Variants in CADPS observed in about 807,000 individuals in gnomAD.
CADPS encodes calcium dependent secretion activator, also known as calcium-dependent secretion activator 1.
CADPS carries 57 observed loss-of-function variants against 167.3 expected under a neutral mutation model. The ratio of observed to expected loss-of-function variants is 0.34; its 90% CI spans 0.28 to 0.42. CADPS has a LOEUF of 0.42. Among genes scored for constraint, CADPS ranks in the 20% least tolerant of loss-of-function variants. The pLI, the probability that CADPS is intolerant of heterozygous loss-of-function variation, is 1.00. For missense variants in CADPS, 1,414 were observed against 1,738.1 expected (o/e 0.81, Z 3.32); for synonymous variants, 676 against 635.3 (o/e 1.06, Z -0.96).
rs570141537 is a variant in CADPS, at chr3:62,548,034, A to G, written c.1966+1869T>C. Reference sequence around the variant, plus strand: ...ATGAAGATTATTTGGAAATAAGACCAGTATTTTCCAAATATCACCTGAGAT... The same window carrying G: ...ATGAAGATTATTTGGAAATAAGACCGGTATTTTCCAAATATCACCTGAGAT... On this transcript the variant is annotated intron_variant, in intron 11 of 29. Coordinates refer to ENST00000383710, the MANE Select transcript of CADPS (RefSeq NM_003716.4). Among the ~76,000 whole-genome samples the G allele has an allele frequency of 1.5e-3, 221 of 152,298 alleles. 2 individuals are homozygous for G. The highest frequency in any genetic ancestry group is 5.4e-4 in the Non-Finnish European group (37 of 68,010).
chr3:62,422,347 G>A (rs1440918854), intron 28 of CADPS, among the ~76,000 whole-genome samples: 1 of 152,218 alleles, frequency 6.6e-6, no homozygotes, highest in African/African-American at 2.4e-5. Flanking sequence ...TAGAAACAAT[G>A]CATATAGGCC....
At chr3:62,754,161 A>G (rs1056644183) in intron 2 of CADPS, among the ~76,000 whole-genome samples, 1 of 151,956 alleles carries the variant, frequency 6.6e-6, no homozygotes, top group Non-Finnish European at 1.5e-5. Context: ...TAAAATGGGG[A>G]TAATAGTATT....
chr3:62,493,565 T>C (rs2064112624), intron 19 of CADPS, 80 bp downstream of exon 19: 16 of 1,063,396 alleles, frequency 1.5e-5, no homozygotes, highest in Non-Finnish European at 2.1e-5. Context: ...CTATTAGTTA[T>C]TAGAGGGATA....
chr3:62,411,466 T>C (rs181216051), intron 28 of CADPS, among the ~76,000 whole-genome samples: 68 of 152,362 alleles, frequency 4.5e-4, no homozygotes, highest in African/African-American at 1.4e-3. Flanking sequence ...CCCTACAACC[T>C]ATTTCAATTG....
In CADPS at chr3:62,710,056, C is replaced by T. The variant is rs985374744; in HGVS notation, c.888+43385G>A. ...TGCTGGGATTACAGGCATGAGTCAC[C>T]GTGCCTGGCCAGGTTCTATGTTAAT... On this transcript the variant is annotated intron_variant, in intron 3 of 29. Coordinates refer to ENST00000383710, the MANE Select transcript of CADPS (RefSeq NM_003716.4). 1.8e-4 allele frequency among the ~76,000 whole-genome samples: 28 copies of T among 152,174 alleles called. 1 individual carries two copies. The highest frequency in any genetic ancestry group is 2.4e-4 in the African/African-American group (10 of 41,522).
chr3:62,564,043 C>A (rs1392030047), intron 9 of CADPS, among the ~76,000 whole-genome samples: 1 of 152,018 alleles, frequency 6.6e-6, no homozygotes, highest in Non-Finnish European at 1.5e-5. Context: ...GCTCTGTCAC[C>A]CAGGCTGGAG....
At chr3:62,777,934 C>T (rs1369092283) in intron 1 of CADPS, among the ~76,000 whole-genome samples, 1 of 152,128 alleles carries the variant, frequency 6.6e-6, no homozygotes, top group Non-Finnish European at 1.5e-5. Flanking sequence ...GCAATATGAG[C>T]CGGCTGAATT....
chr3:62,436,849 G>A (rs1356680568), intron 28 of CADPS, among the ~76,000 whole-genome samples: 1 of 151,834 alleles, frequency 6.6e-6, no homozygotes, highest in Non-Finnish European at 1.5e-5. Flanking sequence ...ACAGAAAGGG[G>A]ACGATTGGAA....
chr3:62,779,906 C>G (rs371476420), intron 1 of CADPS: 1 of 178,266 alleles, frequency 5.6e-6, no homozygotes, highest in African/African-American at 2.4e-5. Flanking sequence ...GGATAAAGTT[C>G]TGTTATTTGG....
rs1416409732 is a variant in CADPS, at chr3:62,865,698, GA to G, written c.441+8890del. ...ATGTATCAGAAAAGTCCATATCTAA[GA>G]AGCAGTTTTACTTTTTATTGATGTT... On this transcript the variant is annotated intron_variant, in intron 1 of 29. Transcript: ENST00000383710. Among the ~76,000 whole-genome samples the G allele has an allele frequency of 1.6e-4, 24 of 152,220 alleles. No individual in the cohort carries two copies. The Middle Eastern group carries it at 0.01, about 65-fold the overall frequency.
chr3:62,624,383 A>T (rs945254641), intron 6 of CADPS, among the ~76,000 whole-genome samples: 1 of 152,164 alleles, frequency 6.6e-6, no homozygotes, highest in Non-Finnish European at 1.5e-5. Context: ...GGTGAGTTGC[A>T]TCAGACCATC....
At position 62,601,461 on chromosome 3, in the gene CADPS, T is replaced by C. The variant is rs1264555028; in HGVS notation, c.1326-8713A>G. ...ACTTGGCCTAATGGAAATACTTTTA[T>C]TTTCATTAGCAGATTAGCAGAATGC... On this transcript the variant is annotated intron_variant, in intron 6 of 29. Coordinates refer to ENST00000383710, the MANE Select transcript of CADPS (RefSeq NM_003716.4). The surrounding 1 kb of genome is among the most constrained non-coding windows in gnomAD (Gnocchi z 4.3). Among the ~76,000 whole-genome samples, 2 of 152,190 alleles carry C rather than the reference T, an allele frequency of 1.3e-5. No homozygotes were observed. Among genetic ancestry groups the C allele is most frequent in the African/African-American group, 2.4e-5 (1 of 41,438 alleles).
intron 4 of CADPS, among the ~76,000 whole-genome samples, chr3:62,654,977 A>AT (rs533459701): frequency 1.3e-5 from 2 of 152,054 alleles, no homozygotes; most frequent in Non-Finnish European, 2.9e-5. Context: ...CAGTCCTGAG[A>AT]TTTTTTTAGG....
chr3:62,747,329 A>T (rs557560503), intron 3 of CADPS, among the ~76,000 whole-genome samples: 4 of 152,230 alleles, frequency 2.6e-5, no homozygotes, highest in Non-Finnish European at 5.9e-5. Context: ...CTGGCCCCCA[A>T]AGCAAATGTT....
intron 3 of CADPS, among the ~76,000 whole-genome samples, chr3:62,694,378 C>A (rs944862553): frequency 1.3e-4 from 19 of 152,000 alleles, no homozygotes; most frequent in African/African-American, 4.4e-4. Flanking sequence ...CTATCACTGT[C>A]AATGTTGTTT....
chr3:62,759,249 G>A (rs966747691), intron 2 of CADPS, among the ~76,000 whole-genome samples: 13 of 152,134 alleles, frequency 8.5e-5, no homozygotes, highest in African/African-American at 3.1e-4. Flanking sequence ...ACCTTCCTTT[G>A]TAGGATTTTG....
chr3:62,575,107 A>T (rs1417819316), intron 8 of CADPS, among the ~76,000 whole-genome samples: 1 of 152,236 alleles, frequency 6.6e-6, no homozygotes, highest in African/African-American at 2.4e-5. Flanking sequence ...TTTACTTTGC[A>T]TCCATAGAAA....
chr3:62,489,361 C>T (rs188389157), intron 21 of CADPS, among the ~76,000 whole-genome samples: 9 of 152,258 alleles, frequency 5.9e-5, no homozygotes, highest in African/African-American at 2.2e-4. Flanking sequence ...GGGGTTTCAC[C>T]GTGTTAGCCA....
At chr3:62,442,681 G>A (rs1279604411) in intron 27 of CADPS, among the ~76,000 whole-genome samples, 1 of 152,078 alleles carries the variant, frequency 6.6e-6, no homozygotes. Context: ...AATTGACCTT[G>A]GGAACCAGTG....
Sources: allele counts gnomAD v4.1 joint callset (sites outside exome capture counted in the v4.1 genomes callset), GRCh38; gene constraint gnomAD v4.1.1; non-coding constraint Gnocchi (gnomAD v3.1); transcripts MANE v1.5; gene names NCBI Gene and HGNC (gene_info 2026-07-23, HGNC 2026-07-21).